The following DCUN1D2 variants were observed in gnomAD, a reference collection of about 807,000 sequenced individuals.
DCUN1D2 encodes the protein DCN1-like protein 2.
DCUN1D2 carries 29 observed loss-of-function variants against 30.9 expected under a neutral mutation model. The ratio of observed to expected loss-of-function variants is 0.94; its 90% confidence interval spans 0.70 to 1.28. The LOEUF is 1.28. Ranked by LOEUF, DCUN1D2 falls within the 50% of genes most tolerant of loss-of-function variation. DCUN1D2 has a pLI of 0.00. For synonymous variants in DCUN1D2, 121 were observed against 115.3 expected, an observed-to-expected ratio of 1.05 and a Z score of -0.32; for missense variants, 325 against 316.9, an observed-to-expected ratio of 1.03 and a Z score of -0.19.
In DCUN1D2 at chr13:113,459,380, TC is replaced by T. The variant is rs780063325; in HGVS notation, c.631del (p.Asp211ThrfsTer12). 1 of 1,591,312 alleles carries T rather than the reference TC, an allele frequency of 6.3e-7. No homozygotes were observed. ...MEHHKRSIPR[D>X]TWNLLLDFGN... Reference sequence around the variant, plus strand: ...AAAGTCCAGCAGGAGGTTCCAGGTGTCCCTTGGAATTGATCTTTTGTGATGT... The same window carrying T: ...AAAGTCCAGCAGGAGGTTCCAGGTGTCCTTGGAATTGATCTTTTGTGATGT... On this transcript the variant is annotated frameshift_variant, in exon 6 of 7. Coordinates refer to ENST00000478244, the MANE Select transcript of DCUN1D2 (RefSeq NM_001014283.2). LOFTEE classifies it high-confidence loss of function.
Position 113,490,546 on chromosome 13 carries a change from C to G in DCUN1D2, c.3+121G>C. The G allele has an allele frequency of 9.7e-7, 1 of 1,033,666 alleles. No homozygotes were observed. The highest frequency in any genetic ancestry group is 1.2e-6 in the Non-Finnish European group (1 of 806,476). 64.0% of individuals were successfully genotyped at this position (1,033,666 alleles called of 1,614,324 possible). A position where few individuals can be genotyped will look rare whatever the true frequency, so the allele number is the denominator to read the frequency against. On this transcript the variant is annotated intron_variant, in intron 1 of 6. Coordinates refer to ENST00000478244, the MANE Select transcript of DCUN1D2 (RefSeq NM_001014283.2). This position sits in a 1 kb window ranked among gnomAD's most constrained non-coding sequence, Gnocchi z 5.2. ...GGCGCGTTCCTCCCTCGGATCCACG[C>G]GGAACGCCCCGCGCAGCTCGCTGGG...
intron 4 of DCUN1D2, among the ~76,000 whole-genome samples, chr13:113,467,586 C>CTAT (rs1285807113): frequency 6.6e-6 from 1 of 151,880 alleles, no homozygotes; most frequent in Non-Finnish European, 1.5e-5. Flanking sequence ...AGGATGGCCA[C>CTAT]TATTCAGAAA....
chr13:113,460,770 G>C (rs2044305549), intron 5 of DCUN1D2, among the ~76,000 whole-genome samples: 1 of 152,250 alleles, frequency 6.6e-6, no homozygotes, highest in Admixed American at 6.5e-5. Context: ...GGGGCTGCTG[G>C]GGTTGCAGAG....
chr13:113,457,795 A>G lies in DCUN1D2; in HGVS notation c.*234T>C. On this transcript the variant is annotated 3_prime_UTR_variant, in exon 7 of 7. Coordinates refer to ENST00000478244, the MANE Select transcript of DCUN1D2 (RefSeq NM_001014283.2). Reference sequence around the variant, plus strand: ...AATCATGCAGAAATTTCCTAACGCAAAAGCTATGATGACAAATCTCCAAAC... The same window carrying G: ...AATCATGCAGAAATTTCCTAACGCAGAAGCTATGATGACAAATCTCCAAAC... 1 of 497,464 alleles carries G rather than the reference A, an allele frequency of 2.0e-6. No homozygotes were observed. The allele number at this position is 497,464 out of a possible 1,614,324, so 30.8% of individuals were successfully genotyped here.
intron 1 of DCUN1D2, among the ~76,000 whole-genome samples, chr13:113,485,120 A>G (rs574963251): frequency 6.7e-6 from 1 of 148,610 alleles, no homozygotes; most frequent in East Asian, 2.0e-4. Flanking sequence ...AAGTAACCTG[A>G]TAAAAGCAAC....
chr13:113,469,955 A>G (rs931635069), intron 4 of DCUN1D2, among the ~76,000 whole-genome samples: 1 of 152,210 alleles, frequency 6.6e-6, no homozygotes, highest in Non-Finnish European at 1.5e-5. Context: ...AGGAAAACTT[A>G]GTAATGAGGA....
chr13:113,472,172 C>A (rs566367773), intron 4 of DCUN1D2, among the ~76,000 whole-genome samples: 1 of 152,052 alleles, frequency 6.6e-6, no homozygotes, highest in African/African-American at 2.4e-5. Flanking sequence ...GCTATCCTCA[C>A]CTGTGCCCGT....
At chr13:113,464,597 C>T (rs2044371146) in intron 4 of DCUN1D2, among the ~76,000 whole-genome samples, 1 of 152,244 alleles carries the variant, frequency 6.6e-6, no homozygotes, top group African/African-American at 2.4e-5. Context: ...CAGGACGGGG[C>T]AGTTGGACGT....
At position 113,476,603 on chromosome 13, in the gene DCUN1D2, T is replaced by G. The variant is rs2139720463; in HGVS notation, c.390-2349A>C. ...AAGAACTTTCACACACAACATGGAT[T>G]GCCTTTCTACTACCTTGATGTTTCT... On this transcript the variant is annotated intron_variant, in intron 3 of 6. Transcript: ENST00000478244. Among the ~76,000 whole-genome samples, 2 of 152,370 alleles carry G rather than the reference T, an allele frequency of 1.3e-5. 1 individual carries two copies. The highest frequency in any genetic ancestry group is 4.1e-4 in the South Asian group (2 of 4,830).
At chr13:113,476,957 A>C (rs2044627811) in intron 3 of DCUN1D2, among the ~76,000 whole-genome samples, 1 of 152,142 alleles carries the variant, frequency 6.6e-6, no homozygotes, top group Non-Finnish European at 1.5e-5. Flanking sequence ...CCCCCCATAC[A>C]CGGACTTCTT....
chr13:113,466,075 TG>T (rs898093060), intron 4 of DCUN1D2, among the ~76,000 whole-genome samples: 1 of 152,062 alleles, frequency 6.6e-6, no homozygotes, highest in Admixed American at 6.5e-5. Flanking sequence ...TTAGTAGAGA[TG>T]GGGATTTGCC....
At position 113,490,671 on chromosome 13, in the gene DCUN1D2, T is replaced by TC. The variant is rs1566513667; in HGVS notation, c.-3dup. 3.2e-6 allele frequency: 4 copies of TC among 1,242,080 alleles called. No homozygotes were observed. Among genetic ancestry groups the TC allele is most frequent in the East Asian group, 3.5e-5 (1 of 28,334 alleles). 76.9% of individuals were successfully genotyped at this position (1,242,080 alleles called of 1,614,324 possible). ...AGGCGACGCCGGGCCACCTACCATC[T>TC]CCCCCGCGCCGCCCGCTTCTGGCCG... is the stretch of plus-strand genomic sequence containing the variant. On this transcript the variant is annotated 5_prime_UTR_variant, in exon 1 of 7. Coordinates refer to ENST00000478244, the MANE Select transcript of DCUN1D2 (RefSeq NM_001014283.2). The surrounding 1 kb of genome is among the most constrained non-coding windows in gnomAD (Gnocchi z 5.2).
Position 113,490,592 on chromosome 13 carries a change from G to A in DCUN1D2, c.3+75C>T. ...CTGGGCTCGGCCTCCCACATCCAGCGCGCCGCCTGCGCCGACCTTGGGGCC... is the reference window on the plus strand; with the variant it reads ...CTGGGCTCGGCCTCCCACATCCAGCACGCCGCCTGCGCCGACCTTGGGGCC... On this transcript the variant is annotated intron_variant, in intron 1 of 6. Transcript: ENST00000478244. The surrounding 1 kb of genome is among the most constrained non-coding windows in gnomAD (Gnocchi z 5.2). 15 of 1,193,396 alleles carry A rather than the reference G, an allele frequency of 1.3e-5. No homozygotes were observed. The highest frequency in any genetic ancestry group is 4.5e-5 in the Admixed American group (1 of 22,396). The allele number at this position is 1,193,396 out of a possible 1,614,324, so 73.9% of individuals were successfully genotyped here.
chr13:113,458,596 G>A lies in DCUN1D2; in HGVS notation c.701-488C>T, dbSNP rs565212233. Among the ~76,000 whole-genome samples the A allele has an allele frequency of 2.6e-5, 4 of 152,358 alleles. No individual in the cohort carries two copies. The East Asian group carries it at 7.7e-4, about 29-fold the overall frequency. ...TCCTGGAAGCCGCGCTTCTGTCAAT[G>A]AGATTCAGTGATCCCTTCTTTCATT... On this transcript the variant is annotated intron_variant, in intron 6 of 6. Coordinates refer to ENST00000478244, the MANE Select transcript of DCUN1D2 (RefSeq NM_001014283.2).
intron 4 of DCUN1D2, among the ~76,000 whole-genome samples, chr13:113,463,621 T>C (rs1350391080): frequency 6.6e-6 from 1 of 152,160 alleles, no homozygotes; most frequent in African/African-American, 2.4e-5. Flanking sequence ...GTTTCTTACA[T>C]TAAAACAGAG....
chr13:113,458,906 C>T (rs536343806), intron 6 of DCUN1D2, among the ~76,000 whole-genome samples: 2 of 152,184 alleles, frequency 1.3e-5, no homozygotes, highest in East Asian at 1.9e-4. Flanking sequence ...GTCCTAAACA[C>T]GGGGGGAGAC....
At chr13:113,463,459 C>T (rs78165133) in intron 4 of DCUN1D2, among the ~76,000 whole-genome samples, 13 of 151,454 alleles carry the variant, frequency 8.6e-5, no homozygotes, top group Non-Finnish European at 1.6e-4. Context: ...TAGGAGGCCG[C>T]GGCAGGAGGA....
intron 4 of DCUN1D2, among the ~76,000 whole-genome samples, chr13:113,470,550 A>G (rs931144434): frequency 6.6e-6 from 1 of 152,136 alleles, no homozygotes; most frequent in Non-Finnish European, 1.5e-5. Flanking sequence ...TCCACAGAAG[A>G]CCCAACTCCA....
chr13:113,484,155 C>CAAA (rs1273693196), intron 1 of DCUN1D2, 99 bp from the exon 2 acceptor site: 31 of 1,545,070 alleles, frequency 2.0e-5, no homozygotes, highest in Non-Finnish European at 2.6e-5. Context: ...GAATTAGAGA[C>CAAA]AAAGCCTTGC....
Sources: gnomAD v4.1 joint callset for allele counts (sites outside exome capture counted in the v4.1 genomes callset) on GRCh38, gnomAD v4.1.1 for gene constraint, Gnocchi (gnomAD v3.1) non-coding constraint, MANE v1.5 for transcripts, NCBI Gene and HGNC (gene_info 2026-07-23, HGNC 2026-07-21) for gene names.